Variants in MINDY4 observed in about 807,000 individuals in gnomAD.
The protein encoded by MINDY4 is probable ubiquitin carboxyl-terminal hydrolase MINDY-4.
In MINDY4, 68 loss-of-function variants were observed where a neutral mutation model predicts 87.0. The observed-to-expected ratio is 0.78, with a 90% confidence interval of 0.64 to 0.96. The LOEUF (loss-of-function observed/expected upper bound fraction) is 0.96, where lower values mean the gene tolerates loss of function less well. Ranked by LOEUF, MINDY4 falls within the 40% of genes least tolerant of loss-of-function variation. MINDY4 has a pLI of 0.00. For missense variants in MINDY4, 919 were observed against 928.2 expected (o/e 0.99, Z 0.13); for synonymous variants, 379 against 363.2 (o/e 1.04, Z -0.50).
chr7:30,810,083 G>C (rs573571958), intron 5 of MINDY4, among the ~76,000 whole-genome samples: 330 of 148,858 alleles, frequency 2.2e-3, no homozygotes, highest in African/African-American at 7.4e-3. Flanking sequence ...GGCTGAGGCA[G>C]GAGAATCGCT....
In MINDY4 at chr7:30,882,347, TC is replaced by T. The variant is rs1790489999; in HGVS notation, c.2140del (p.Arg714GlyfsTer2). The T allele has an allele frequency of 6.3e-7, 1 of 1,598,602 alleles. No homozygotes were observed. The highest frequency in any genetic ancestry group is 1.3e-5 in the African/African-American group (1 of 74,672). ...YDGLANQQEQ[I>X]RLTIDTTQTI... The stretch of plus-strand genomic sequence containing the variant: ...GGCCTGGCCAACCAGCAGGAGCAGA[TC>T]CGGCTGACCATTGGTGCGGGCCCTC... On this transcript the variant is annotated frameshift_variant, in exon 16 of 18. Transcript: ENST00000265299. LOFTEE classifies it high-confidence loss of function.
rs1184210812 is a variant in MINDY4, at chr7:30,785,969, G to C, written c.640G>C (p.Gly214Arg). The C allele has an allele frequency of 3.1e-6, 5 of 1,614,070 alleles. No homozygotes were observed. In the East Asian group the frequency reaches 1.1e-4, roughly 36 times the overall value. The change falls in exon 4 of 18, where the codon GGG (glycine) becomes CGG (arginine). Residue 214 changes from glycine (G) to arginine (R), a missense_variant. Coordinates refer to ENST00000265299, the MANE Select transcript of MINDY4 (RefSeq NM_032222.3). ...TCTGATTGTGCGAGGCATGATGTCTGGGCCCATCGCCAGCTCCCCACAGGT... is the reference window on the plus strand; with the variant it reads ...TCTGATTGTGCGAGGCATGATGTCTCGGCCCATCGCCAGCTCCCCACAGGT... ...SGLIVRGMMS[G>R]PIASSPQDSF...
At position 30,782,228 on chromosome 7, in the gene MINDY4, A is replaced by G. The variant is rs1419551270; in HGVS notation, c.419+16A>G. On this transcript the variant is annotated intron_variant, in intron 3 of 17. Transcript: ENST00000265299. ...GCAAAGCCAGGTATCTTTTCCCATT[A>G]TTATGTTTATTAGTTTCCTATTGCT... 1 of 1,588,148 alleles carries G rather than the reference A, an allele frequency of 6.3e-7. No individual in the cohort carries two copies. The highest frequency in any genetic ancestry group is 8.6e-7 in the Non-Finnish European group (1 of 1,161,854).
intron 3 of MINDY4, among the ~76,000 whole-genome samples, chr7:30,783,165 G>A (rs1272274473): frequency 6.6e-6 from 1 of 152,148 alleles, no homozygotes; most frequent in Middle Eastern, 3.2e-3. Context: ...AGGTTCTGAG[G>A]GGAAAATCCA....
chr7:30,845,953 C>T (rs921025628), intron 9 of MINDY4, among the ~76,000 whole-genome samples: 2 of 152,182 alleles, frequency 1.3e-5, no homozygotes, highest in African/African-American at 4.8e-5. Flanking sequence ...CGGCTTGGCT[C>T]ACAGAAAGAG....
intron 5 of MINDY4, among the ~76,000 whole-genome samples, chr7:30,821,911 A>G (rs1423972936): frequency 3.9e-5 from 6 of 152,202 alleles, no homozygotes; most frequent in Admixed American, 2.6e-4. Flanking sequence ...GAAGAGTACA[A>G]TGAATATCTG....
At chr7:30,885,084 T>C (rs1033229446) in intron 17 of MINDY4, among the ~76,000 whole-genome samples, 4 of 152,160 alleles carry the variant, frequency 2.6e-5, no homozygotes, top group Non-Finnish European at 5.9e-5. Context: ...AGCCCCACCA[T>C]CTCCTTGAGC....
chr7:30,827,287 A>G (rs1788542598), intron 5 of MINDY4, among the ~76,000 whole-genome samples: 1 of 152,138 alleles, frequency 6.6e-6, no homozygotes, highest in Non-Finnish European at 1.5e-5. Context: ...CAAGGGGAGG[A>G]TGCCTTGCCT....
chr7:30,875,746 C>T (rs1562563620), intron 15 of MINDY4, 90 bp downstream of exon 15: 1 of 1,398,704 alleles, frequency 7.1e-7, no homozygotes. Flanking sequence ...CTGGACTCCA[C>T]TTCTCAGAGC....
intron 5 of MINDY4, among the ~76,000 whole-genome samples, chr7:30,813,430 C>T (rs1788064840): frequency 1.3e-5 from 2 of 152,188 alleles, no homozygotes. Flanking sequence ...GCCTTTCCAC[C>T]GTTGAGTGGC....
chr7:30,847,893 A>G (rs1789276013), intron 9 of MINDY4, among the ~76,000 whole-genome samples: 1 of 151,978 alleles, frequency 6.6e-6, no homozygotes, highest in Non-Finnish European at 1.5e-5. Flanking sequence ...ATGCCACCAC[A>G]CCTGGCTGAT....
In MINDY4 at chr7:30,877,427, C is replaced by T. The variant is rs556093926; in HGVS notation, c.1971+1771C>T. ...AGGCCCTACAACCATCTCCCCTCCT[C>T]GTGGGCTTCTTGGATCCGCATAGAC... On this transcript the variant is annotated intron_variant, in intron 15 of 17. Transcript: ENST00000265299. Among the ~76,000 whole-genome samples the T allele has an allele frequency of 4.6e-5, 7 of 152,324 alleles. 1 individual carries two copies. The highest frequency in any genetic ancestry group is 1.7e-4 in the African/African-American group (7 of 41,580).
intron 5 of MINDY4, among the ~76,000 whole-genome samples, chr7:30,805,062 G>A (rs145216923): frequency 2.0e-5 from 3 of 152,342 alleles, no homozygotes; most frequent in East Asian, 1.9e-4. Flanking sequence ...GTTCTCTTGT[G>A]TTTTGGGTTC....
chr7:30,803,427 A>C (rs1392462464), intron 5 of MINDY4: 1 of 152,244 alleles, frequency 6.6e-6, no homozygotes, highest in African/African-American at 2.4e-5. Flanking sequence ...TTAGTGACTT[A>C]GCACACAGAA....
intron 12 of MINDY4, among the ~76,000 whole-genome samples, chr7:30,853,785 TTC>T (rs878904352): frequency 6.6e-6 from 1 of 152,298 alleles, no homozygotes; most frequent in South Asian, 2.1e-4. Flanking sequence ...CACCAGAGCT[TTC>T]TCTCTGTCTG....
At chr7:30,853,925 C>T (rs1434564503) in intron 12 of MINDY4, among the ~76,000 whole-genome samples, 1 of 152,134 alleles carries the variant, frequency 6.6e-6, no homozygotes, top group Non-Finnish European at 1.5e-5. Context: ...TGATACACAC[C>T]TTGATTAGTA....
intron 10 of MINDY4, among the ~76,000 whole-genome samples, chr7:30,851,140 C>G (rs1035178766): frequency 1.3e-5 from 2 of 152,212 alleles, no homozygotes; most frequent in Non-Finnish European, 2.9e-5. Context: ...CAGCCTGATC[C>G]GTCAGAGTGG....
intron 13 of MINDY4, among the ~76,000 whole-genome samples, chr7:30,861,964 A>G (rs1789779964): frequency 6.6e-6 from 1 of 152,262 alleles, no homozygotes; most frequent in Non-Finnish European, 1.5e-5. Flanking sequence ...CCATGGGACC[A>G]AGCCCCGCCC....
In MINDY4 at chr7:30,809,476, A is replaced by G. The variant is rs190887403; in HGVS notation, c.1073+17902A>G. On this transcript the variant is annotated intron_variant, in intron 5 of 17. Coordinates refer to ENST00000265299, the MANE Select transcript of MINDY4 (RefSeq NM_032222.3). Reference sequence around the variant, plus strand: ...AGGGGATCTAAATCTTAATTACCATACAAAGGCCCGACCAGACCTAGGAGG... The same window carrying G: ...AGGGGATCTAAATCTTAATTACCATGCAAAGGCCCGACCAGACCTAGGAGG... 2.1e-3 allele frequency among the ~76,000 whole-genome samples: 323 copies of G among 151,954 alleles called. 1 individual carries two copies. The highest frequency in any genetic ancestry group is 8.7e-3 in the South Asian group (42 of 4,802).
Sources: allele counts gnomAD v4.1 joint callset (sites outside exome capture counted in the v4.1 genomes callset), GRCh38; gene constraint gnomAD v4.1.1; transcripts MANE v1.5; gene names NCBI Gene and HGNC (gene_info 2026-07-23, HGNC 2026-07-21).